The following CACNA2D1 variants were observed in gnomAD, a reference collection of about 807,000 sequenced individuals.
CACNA2D1 encodes calcium voltage-gated channel auxiliary subunit alpha2delta 1.
Under a neutral mutation model 171.5 loss-of-function variants are expected in CACNA2D1, and 53 were observed. The ratio of observed to expected loss-of-function variants is 0.31; its 90% CI spans 0.25 to 0.39. The LOEUF is 0.39. CACNA2D1 is among the 10% of genes least tolerant of loss of function. CACNA2D1 has a pLI of 1.00. For synonymous variants in CACNA2D1, 442 were observed against 443.1 expected, an observed-to-expected ratio of 1.00 and a Z score of 0.03; for missense variants, 903 against 1,299.8, an observed-to-expected ratio of 0.69 and a Z score of 4.69.
At chr7:81,984,146 G>C (rs1410167799) in intron 22 of CACNA2D1, among the ~76,000 whole-genome samples, 1 of 152,096 alleles carries the variant, frequency 6.6e-6, no homozygotes, top group African/African-American at 2.4e-5. Flanking sequence ...CCAAAGACCA[G>C]TGCAATTTAA....
chr7:82,245,660 T>TCACACACACACACACACACA (rs1413247886), intron 3 of CACNA2D1, among the ~76,000 whole-genome samples: 1 of 139,346 alleles, frequency 7.2e-6, no homozygotes, highest in African/African-American at 2.8e-5. Flanking sequence ...TCTCTCTCTC[T>TCACACACACACACACACACA]CTCACACACA....
At chr7:82,221,606 G>A (rs1053244745) in intron 3 of CACNA2D1, among the ~76,000 whole-genome samples, 14 of 151,942 alleles carry the variant, frequency 9.2e-5, no homozygotes, top group African/African-American at 2.7e-4. Context: ...AATAGCCGGC[G>A]TGATGGCAGT....
Position 82,243,801 on chromosome 7 carries a change from T to C in CACNA2D1, c.295-73192A>G, listed in dbSNP as rs181079721. On this transcript the variant is annotated intron_variant, in intron 3 of 38. Coordinates refer to ENST00000356860, the MANE Select transcript of CACNA2D1 (RefSeq NM_000722.4). ...CCAAATTCTTCTTCTTTATTCTATA[T>C]AACCTAAAATAGTGAAATTACAGAA... Among the ~76,000 whole-genome samples the C allele has an allele frequency of 6.6e-5, 10 of 152,322 alleles. No homozygotes were observed. The East Asian group carries it at 1.9e-3, about 29-fold the overall frequency.
At chr7:82,316,124 C>A (rs1815093315) in intron 3 of CACNA2D1, among the ~76,000 whole-genome samples, 1 of 151,924 alleles carries the variant, frequency 6.6e-6, no homozygotes, top group Non-Finnish European at 1.5e-5. Flanking sequence ...ATTTTAAATA[C>A]AATCACTAAG....
intron 19 of CACNA2D1, among the ~76,000 whole-genome samples, chr7:81,995,257 T>C (rs886850004): frequency 2.6e-5 from 4 of 152,200 alleles, no homozygotes; most frequent in African/African-American, 7.2e-5. Context: ...AAAGTAGTCA[T>C]TGAGACATAG....
chr7:81,982,866 G>A, intron 23 of CACNA2D1: 1 of 581,080 alleles, frequency 1.7e-6, no homozygotes, highest in Non-Finnish European at 3.0e-6. Context: ...CAAAGAAAAT[G>A]CTATGTCTAT....
chr7:82,260,810 G>A (rs2129331469), intron 3 of CACNA2D1, among the ~76,000 whole-genome samples: 1 of 152,122 alleles, frequency 6.6e-6, no homozygotes, highest in Admixed American at 6.5e-5. Flanking sequence ...GTTCCAAAAG[G>A]CATTATAATG....
At chr7:82,384,302 T>C (rs544104731) in intron 1 of CACNA2D1, among the ~76,000 whole-genome samples, 25 of 152,228 alleles carry the variant, frequency 1.6e-4, no homozygotes, top group African/African-American at 6.0e-4. Context: ...TTAGATGAGA[T>C]CATGAGTATG....
intron 3 of CACNA2D1, among the ~76,000 whole-genome samples, chr7:82,322,640 T>G (rs1416768749): frequency 6.6e-6 from 1 of 151,862 alleles, no homozygotes; most frequent in Non-Finnish European, 1.5e-5. Flanking sequence ...AAAAATAAAA[T>G]TTAAAAAGAT....
chr7:82,236,781 T>A (rs777974136), intron 3 of CACNA2D1, among the ~76,000 whole-genome samples: 5 of 151,992 alleles, frequency 3.3e-5, no homozygotes, highest in Non-Finnish European at 7.4e-5. Flanking sequence ...TTAAGCTCTA[T>A]TTCACCATGT....
At chr7:82,121,928 C>G (rs1293919539) in intron 5 of CACNA2D1, among the ~76,000 whole-genome samples, 2 of 151,972 alleles carry the variant, frequency 1.3e-5, no homozygotes, top group African/African-American at 2.4e-5. Flanking sequence ...ATTTAACATA[C>G]TAAGAAAAGA....
At position 82,119,500 on chromosome 7, in the gene CACNA2D1, G is replaced by A. The variant is rs868199396; in HGVS notation, c.397-2327C>T. Among the ~76,000 whole-genome samples, 90 of 152,226 alleles carry A rather than the reference G, an allele frequency of 5.9e-4. No homozygotes were observed. The Middle Eastern group carries it at 0.014, about 23-fold the overall frequency. ...AAGTCATAATGATAATTCTTTGACA[G>A]GTACAAAAAGCTCTTGCAAATTTAA... is the stretch of plus-strand genomic sequence containing the variant. On this transcript the variant is annotated intron_variant, in intron 5 of 38. Coordinates refer to ENST00000356860, the MANE Select transcript of CACNA2D1 (RefSeq NM_000722.4).
intron 3 of CACNA2D1, among the ~76,000 whole-genome samples, chr7:82,281,757 C>T: frequency 6.6e-6 from 1 of 151,898 alleles, no homozygotes; most frequent in East Asian, 1.9e-4. Context: ...ATGTACGTGT[C>T]ATTATGAACT....
intron 4 of CACNA2D1, among the ~76,000 whole-genome samples, chr7:82,147,368 G>T (rs1026792268): frequency 6.6e-6 from 1 of 152,040 alleles, no homozygotes; most frequent in Non-Finnish European, 1.5e-5. Context: ...GAAGAGCAAA[G>T]GTAGAATATG....
chr7:82,288,216 G>A (rs896293969), intron 3 of CACNA2D1, among the ~76,000 whole-genome samples: 5 of 151,876 alleles, frequency 3.3e-5, no homozygotes, highest in Admixed American at 6.6e-5. Flanking sequence ...ATCCATTCCA[G>A]TATTAAAACT....
chr7:81,985,658 A>G (rs1270127489), intron 21 of CACNA2D1, among the ~76,000 whole-genome samples: 2 of 152,190 alleles, frequency 1.3e-5, no homozygotes, highest in Non-Finnish European at 2.9e-5. Flanking sequence ...ATTAGTTTAT[A>G]CCCAATAGTA....
chr7:81,977,414 CAG>C (rs925734198), intron 24 of CACNA2D1, among the ~76,000 whole-genome samples: 2 of 151,990 alleles, frequency 1.3e-5, no homozygotes, highest in African/African-American at 4.8e-5. Context: ...TGGAACAGAA[CAG>C]AGGTCTCAGA....
chr7:81,966,546 G>T (rs2130353607), intron 31 of CACNA2D1, among the ~76,000 whole-genome samples: 1 of 151,264 alleles, frequency 6.6e-6, no homozygotes, highest in African/African-American at 2.4e-5. Context: ...AGGACTGGAA[G>T]AAAATATTGT....
At chr7:82,038,276 A>T in intron 10 of CACNA2D1, 41 bp from the exon 11 acceptor site, 1 of 1,530,278 alleles carries the variant, frequency 6.5e-7, no homozygotes, top group Non-Finnish European at 9.0e-7. Flanking sequence ...TGAACATTAA[A>T]ATCAACCATA....
Sources: gnomAD v4.1 joint callset for allele counts (sites outside exome capture counted in the v4.1 genomes callset) on GRCh38, gnomAD v4.1.1 for gene constraint, MANE v1.5 for transcripts, NCBI Gene and HGNC (gene_info 2026-07-23, HGNC 2026-07-21) for gene names.